The following DCTN4 variants were observed in gnomAD, a reference collection of about 807,000 sequenced individuals.
DCTN4 encodes dynactin subunit 4.
Under a neutral mutation model 62.7 loss-of-function variants are expected in DCTN4, and 23 were observed. The ratio of observed to expected loss-of-function variants is 0.37; its 90% CI spans 0.26 to 0.52. The LOEUF is 0.52. DCTN4 is among the 20% of genes least tolerant of loss of function. DCTN4 has a pLI of 0.92. For missense variants in DCTN4, 514 were observed against 580.4 expected (o/e 0.89, Z 1.18); for synonymous variants, 199 against 202.1 (o/e 0.98, Z 0.13).
intron 3 of DCTN4, among the ~76,000 whole-genome samples, chr5:150,750,071 G>A (rs955984622): frequency 1.4e-4 from 22 of 152,120 alleles, no homozygotes; most frequent in Non-Finnish European, 3.1e-4. Context: ...GGGCCGGGAG[G>A]TTGGGGGAAG....
intron 11 of DCTN4, among the ~76,000 whole-genome samples, 160 bp from the exon 12 acceptor site, chr5:150,715,822 T>G (rs1489167668): frequency 6.6e-6 from 1 of 152,248 alleles, no homozygotes; most frequent in Non-Finnish European, 1.5e-5. Flanking sequence ...AAGAGAAAGC[T>G]AAGTTAGTAC....
intron 8 of DCTN4, among the ~76,000 whole-genome samples, chr5:150,728,706 T>A (rs1358969749): frequency 2.6e-5 from 4 of 152,232 alleles, no homozygotes; most frequent in Non-Finnish European, 5.9e-5. Context: ...TTTCAACTTT[T>A]CTGAGTTCTC....
intron 4 of DCTN4, among the ~76,000 whole-genome samples, chr5:150,739,859 A>T (rs1156276773): frequency 1.3e-5 from 2 of 152,232 alleles, no homozygotes; most frequent in Non-Finnish European, 1.5e-5. Flanking sequence ...TGGTGCTGGG[A>T]TAATTGGCAA....
chr5:150,711,051 A>G lies in DCTN4; in HGVS notation c.*98T>C, dbSNP rs1379986983. The G allele has an allele frequency of 1.7e-6, 2 of 1,169,666 alleles. No homozygotes were observed. The highest frequency in any genetic ancestry group is 1.4e-5 in the South Asian group (1 of 72,688). 72.5% of individuals were successfully genotyped at this position (1,169,666 alleles called of 1,614,324 possible). ...ATAGAATTCCGTAGTGCATGGGTAC[A>G]TCGTTATAAACAAGGCCTAATGAAG... is the stretch of plus-strand genomic sequence containing the variant. On this transcript the variant is annotated 3_prime_UTR_variant, in exon 13 of 13. Coordinates refer to ENST00000447998, the MANE Select transcript of DCTN4 (RefSeq NM_016221.4).
Position 150,755,615 on chromosome 5 carries a change from T to C in DCTN4, c.206+802A>G, listed in dbSNP as rs570675103. On this transcript the variant is annotated intron_variant, in intron 2 of 12. Coordinates refer to ENST00000447998, the MANE Select transcript of DCTN4 (RefSeq NM_016221.4). Reference sequence around the variant, plus strand: ...CAAATCCTAATGAAATGACATTCTATAAAATACCTCACCAGTACTCCTCAA... The same window carrying C: ...CAAATCCTAATGAAATGACATTCTACAAAATACCTCACCAGTACTCCTCAA... The C allele has an allele frequency of 8.8e-5, 40 of 456,050 alleles. No individual in the cohort carries two copies. The East Asian group carries it at 2.4e-3, about 27-fold the overall frequency. The allele number at this position is 456,050 out of a possible 1,614,324, so 28.3% of individuals were successfully genotyped here.
chr5:150,721,415 G>C (rs956990364), intron 9 of DCTN4, among the ~76,000 whole-genome samples: 3 of 152,058 alleles, frequency 2.0e-5, no homozygotes, highest in Admixed American at 2.0e-4. Flanking sequence ...ATATATCCCT[G>C]AAACAGTACT....
At chr5:150,723,838 A>G (rs1287435876) in intron 8 of DCTN4, among the ~76,000 whole-genome samples, 1 of 152,166 alleles carries the variant, frequency 6.6e-6, no homozygotes, top group Non-Finnish European at 1.5e-5. Context: ...AACATTTTAT[A>G]TTTATTCTCT....
Position 150,719,297 on chromosome 5 carries a change from G to GGT in DCTN4, c.963+417_963+418dup, listed in dbSNP as rs1288669596. On this transcript the variant is annotated intron_variant, in intron 10 of 12. Transcript: ENST00000447998. The stretch of plus-strand genomic sequence containing the variant: ...CTGCAGAATATTCTACAATTCACTG[G>GGT]GTGTGTGTGTGGAAGGAAGGGGAGT... Among the ~76,000 whole-genome samples the GGT allele has an allele frequency of 1.0e-4, 15 of 148,764 alleles. No homozygotes were observed. In the South Asian group the frequency reaches 3.2e-3, roughly 31 times the overall value.
intron 11 of DCTN4, among the ~76,000 whole-genome samples, chr5:150,716,881 T>C (rs60749470): frequency 6.6e-6 from 1 of 150,446 alleles, no homozygotes; most frequent in Non-Finnish European, 1.5e-5. Context: ...ACTGCGCCAC[T>C]GCACTCCAGC....
At chr5:150,758,695 A>T in intron 1 of DCTN4, 164 bp downstream of exon 1, 1 of 1,321,784 alleles carries the variant, frequency 7.6e-7, no homozygotes, top group Non-Finnish European at 1.0e-6. Context: ...CCTCCTTTCC[A>T]AGTGACAGAT....
At chr5:150,744,454 T>G (rs1760885482) in intron 3 of DCTN4, among the ~76,000 whole-genome samples, 1 of 151,666 alleles carries the variant, frequency 6.6e-6, no homozygotes. Context: ...ACAAAGATAC[T>G]CCTCAAGAAG....
intron 4 of DCTN4, among the ~76,000 whole-genome samples, chr5:150,735,620 T>G (rs992705392): frequency 6.6e-6 from 1 of 152,122 alleles, no homozygotes; most frequent in Non-Finnish European, 1.5e-5. Flanking sequence ...GAGCACCACA[T>G]CAAGGAACAA....
intron 8 of DCTN4, among the ~76,000 whole-genome samples, chr5:150,728,105 A>T (rs970023673): frequency 6.6e-6 from 1 of 152,212 alleles, no homozygotes; most frequent in Admixed American, 6.5e-5. Flanking sequence ...ACCTATTAAA[A>T]TATAAACACA....
chr5:150,711,656 C>T (rs538406674), intron 12 of DCTN4, among the ~76,000 whole-genome samples: 1 of 152,208 alleles, frequency 6.6e-6, no homozygotes, highest in African/African-American at 2.4e-5. Flanking sequence ...CAGGCATGCA[C>T]CACCACACCT....
At chr5:150,713,437 TTTC>T (rs1323111702) in intron 12 of DCTN4, among the ~76,000 whole-genome samples, 2 of 150,742 alleles carry the variant, frequency 1.3e-5, no homozygotes, top group African/African-American at 2.5e-5. Flanking sequence ...TTATTTTTCT[TTTC>T]TTTTCTTTTT....
At chr5:150,725,278 A>C (rs949073467) in intron 8 of DCTN4, among the ~76,000 whole-genome samples, 2 of 152,018 alleles carry the variant, frequency 1.3e-5, no homozygotes, top group East Asian at 3.9e-4. Context: ...GTGGAGGTGC[A>C]AGGTAGATTC....
chr5:150,752,774 T>C (rs998708739), intron 3 of DCTN4, among the ~76,000 whole-genome samples: 5 of 152,242 alleles, frequency 3.3e-5, no homozygotes, highest in Admixed American at 2.0e-4. Context: ...CTTTTTCTTA[T>C]TGACTTATAA....
chr5:150,722,119 C>A (rs1220974145), intron 9 of DCTN4, among the ~76,000 whole-genome samples: 1 of 152,174 alleles, frequency 6.6e-6, no homozygotes, highest in Non-Finnish European at 1.5e-5. Flanking sequence ...AGCCACTGCA[C>A]CTGGCTTTAA....
At chr5:150,757,124 T>C (rs1752891936) in intron 1 of DCTN4, among the ~76,000 whole-genome samples, 1 of 152,228 alleles carries the variant, frequency 6.6e-6, no homozygotes, top group Non-Finnish European at 1.5e-5. Context: ...TTGACAATTA[T>C]AGAACTCTAG....
Sources: allele counts gnomAD v4.1 joint callset (sites outside exome capture counted in the v4.1 genomes callset), GRCh38; gene constraint gnomAD v4.1.1; transcripts MANE v1.5; gene names NCBI Gene and HGNC (gene_info 2026-07-23, HGNC 2026-07-21).